The following SPATA17 variants were observed in gnomAD, a reference collection of about 807,000 sequenced individuals.
The protein encoded by SPATA17 is spermatogenesis-associated protein 17.
Under a neutral mutation model 62.2 loss-of-function variants are expected in SPATA17, and 53 were observed. The observed-to-expected ratio is 0.85, with a 90% CI of 0.68 to 1.07. The LOEUF (loss-of-function observed/expected upper bound fraction) is 1.07, where lower values mean the gene tolerates loss of function less well. Among genes scored for constraint, SPATA17 ranks in the 50% least tolerant of loss-of-function variants. SPATA17 has a pLI of 0.00. For synonymous variants in SPATA17, 146 were observed against 146.8 expected (o/e 0.99, Z 0.04); for missense variants, 466 against 425.5 (o/e 1.10, Z -0.84).
intron 5 of SPATA17, among the ~76,000 whole-genome samples, chr1:217,708,002 A>G (rs1671774887): frequency 6.6e-6 from 1 of 152,216 alleles, no homozygotes; most frequent in Non-Finnish European, 1.5e-5. Context: ...ATTCTTTGAA[A>G]CTGATGAGAA....
chr1:217,830,804 T>G (rs1675123908), intron 9 of SPATA17, among the ~76,000 whole-genome samples: 1 of 152,116 alleles, frequency 6.6e-6, no homozygotes, highest in Non-Finnish European at 1.5e-5. Context: ...GTGACTGTTG[T>G]AAGGTTAAGC....
At chr1:217,636,178 A>G (rs1358096057) in intron 1 of SPATA17, among the ~76,000 whole-genome samples, 3 of 150,800 alleles carry the variant, frequency 2.0e-5, no homozygotes, top group Non-Finnish European at 4.4e-5. Flanking sequence ...GAGTGACATG[A>G]TGTGACTTCT....
chr1:217,675,965 C>T (rs1670937844), intron 4 of SPATA17, among the ~76,000 whole-genome samples: 1 of 152,100 alleles, frequency 6.6e-6, no homozygotes, highest in Non-Finnish European at 1.5e-5. Flanking sequence ...CTCTTAGGGA[C>T]ATTTTATTAC....
chr1:217,750,387 G>A (rs1476401236), intron 6 of SPATA17, among the ~76,000 whole-genome samples: 10 of 152,080 alleles, frequency 6.6e-5, no homozygotes, highest in Admixed American at 6.5e-4. Flanking sequence ...GCTGAAGGGT[G>A]TAATGCATTC....
intron 4 of SPATA17, among the ~76,000 whole-genome samples, chr1:217,673,331 C>T (rs1235116105): frequency 6.6e-6 from 1 of 152,158 alleles, no homozygotes; most frequent in Non-Finnish European, 1.5e-5. Flanking sequence ...TGCTGATTTG[C>T]TGCTAGGCCA....
At chr1:217,819,492 G>T (rs1208278750) in intron 9 of SPATA17, among the ~76,000 whole-genome samples, 1 of 151,810 alleles carries the variant, frequency 6.6e-6, no homozygotes, top group African/African-American at 2.4e-5. Flanking sequence ...TTGATGCCAT[G>T]AACTATCAAG....
At chr1:217,696,631 T>TA (rs1210989124) in intron 5 of SPATA17, among the ~76,000 whole-genome samples, 1 of 152,260 alleles carries the variant, frequency 6.6e-6, no homozygotes, top group Non-Finnish European at 1.5e-5. Flanking sequence ...CAAATATTTA[T>TA]ATTCTGCATC....
At chr1:217,698,415 C>G (rs933048891) in intron 5 of SPATA17, among the ~76,000 whole-genome samples, 1 of 151,628 alleles carries the variant, frequency 6.6e-6, no homozygotes, top group Non-Finnish European at 1.5e-5. Flanking sequence ...GCCTGGGCAA[C>G]AGAGTGAGGC....
intron 9 of SPATA17, among the ~76,000 whole-genome samples, chr1:217,859,726 A>T (rs1421109589): frequency 6.6e-6 from 1 of 151,988 alleles, no homozygotes; most frequent in Non-Finnish European, 1.5e-5. Context: ...TCTTTTTAAC[A>T]CTCATAGGAT....
chr1:217,747,319 A>G (rs928451655), intron 6 of SPATA17, among the ~76,000 whole-genome samples: 1 of 152,244 alleles, frequency 6.6e-6, no homozygotes, highest in South Asian at 2.1e-4. Context: ...ACTGACTTTC[A>G]TTCCCTTGCC....
chr1:217,803,573 A>T (rs958277475), intron 9 of SPATA17, among the ~76,000 whole-genome samples: 1 of 152,202 alleles, frequency 6.6e-6, no homozygotes, highest in South Asian at 2.1e-4. Context: ...TGATGATATA[A>T]ATTAAAGAAG....
chr1:217,750,996 C>T (rs963000909), intron 6 of SPATA17, among the ~76,000 whole-genome samples: 3 of 152,164 alleles, frequency 2.0e-5, no homozygotes, highest in Non-Finnish European at 4.4e-5. Context: ...CCTAAATAAA[C>T]CTTACATGGA....
chr1:217,778,539 T>TAAA (rs1487049887), intron 7 of SPATA17, among the ~76,000 whole-genome samples: 1 of 152,084 alleles, frequency 6.6e-6, no homozygotes, highest in African/African-American at 2.4e-5. Context: ...ATAATAATAA[T>TAAA]AAACCACGTT....
chr1:217,784,617 T>C (rs904679391), intron 8 of SPATA17, among the ~76,000 whole-genome samples: 2 of 152,096 alleles, frequency 1.3e-5, no homozygotes, highest in Non-Finnish European at 2.9e-5. Context: ...GTAATGAGGA[T>C]TGATAGAGAA....
At chr1:217,727,663 G>A (rs1022850800) in intron 5 of SPATA17, among the ~76,000 whole-genome samples, 1 of 152,100 alleles carries the variant, frequency 6.6e-6, no homozygotes, top group Non-Finnish European at 1.5e-5. Flanking sequence ...TTCCTCTCAT[G>A]TTGTATAGTA....
At chr1:217,774,944 A>G (rs1673551466) in intron 7 of SPATA17, among the ~76,000 whole-genome samples, 1 of 152,232 alleles carries the variant, frequency 6.6e-6, no homozygotes, top group Non-Finnish European at 1.5e-5. Context: ...ATTGTGAATA[A>G]TGCTGCTGTG....
intron 8 of SPATA17, among the ~76,000 whole-genome samples, chr1:217,791,073 T>G (rs528316395): frequency 6.4e-4 from 98 of 152,380 alleles, no homozygotes; most frequent in Non-Finnish European, 9.4e-4. Flanking sequence ...CTTTTATTTG[T>G]AACTCTTCCA....
chr1:217,822,643 T>C (rs1674892792), intron 9 of SPATA17, among the ~76,000 whole-genome samples: 1 of 148,174 alleles, frequency 6.7e-6, no homozygotes, highest in African/African-American at 2.4e-5. Context: ...TCTATATATA[T>C]ATATAAAATA....
chr1:217,841,726 C>T (rs561302672), intron 9 of SPATA17, among the ~76,000 whole-genome samples: 5 of 151,806 alleles, frequency 3.3e-5, no homozygotes, highest in African/African-American at 1.2e-4. Flanking sequence ...GAGTTCAAGA[C>T]CATGTTATGA....
Sources: allele counts gnomAD v4.1 joint callset (sites outside exome capture counted in the v4.1 genomes callset), GRCh38; gene constraint gnomAD v4.1.1; transcripts MANE v1.5; gene names NCBI Gene and HGNC (gene_info 2026-07-23, HGNC 2026-07-21).